The following PPP2R2C variants were observed in gnomAD, a reference collection of about 807,000 sequenced individuals.
PPP2R2C encodes the protein protein phosphatase 2, regulatory subunit B, gamma.
In PPP2R2C, 10 loss-of-function variants were observed where a neutral mutation model predicts 45.3. That is an observed-to-expected ratio of 0.22 (90% CI 0.14 to 0.37). The LOEUF (loss-of-function observed/expected upper bound fraction) is 0.37, where lower values mean the gene tolerates loss of function less well. Among genes scored for constraint, PPP2R2C ranks in the 10% least tolerant of loss-of-function variants. PPP2R2C has a pLI of 1.00. For synonymous variants in PPP2R2C, 257 were observed against 245.4 expected (o/e 1.05, Z -0.44); for missense variants, 308 against 619.7 (o/e 0.50, Z 5.34).
chr4:6,466,401 A>C (rs1346109764), intron 1 of PPP2R2C, among the ~76,000 whole-genome samples: 2 of 152,248 alleles, frequency 1.3e-5, no homozygotes, highest in African/African-American at 4.8e-5. Context: ...ATGACCACAC[A>C]GGTTGCATAT....
chr4:6,371,902 G>A (rs143503732), intron 5 of PPP2R2C, among the ~76,000 whole-genome samples: 2 of 152,140 alleles, frequency 1.3e-5, no homozygotes, highest in African/African-American at 4.8e-5. Flanking sequence ...CCAGCCCCCC[G>A]GCAGGCCAAG....
intron 2 of PPP2R2C, among the ~76,000 whole-genome samples, chr4:6,522,329 G>T (rs1724053011): frequency 6.6e-6 from 1 of 152,238 alleles, no homozygotes; most frequent in Non-Finnish European, 1.5e-5. Context: ...CCCCAGCCGT[G>T]CTGGGAGCAC....
chr4:6,504,438 A>C (rs1723155911), intron 2 of PPP2R2C, among the ~76,000 whole-genome samples: 1 of 152,162 alleles, frequency 6.6e-6, no homozygotes, highest in Non-Finnish European at 1.5e-5. Context: ...TTGATGTAAG[A>C]ATAAATAAAA....
In PPP2R2C at chr4:6,332,341, C is replaced by T. The variant is rs1211339448; in HGVS notation, c.960+1221G>A. Among the ~76,000 whole-genome samples, 1 of 152,124 alleles carries T rather than the reference C, an allele frequency of 6.6e-6. No homozygotes were observed. Among genetic ancestry groups the T allele is most frequent in the Non-Finnish European group, 1.5e-5 (1 of 68,034 alleles). ...AGGGACAGAGGAGGGCTGAGTCCTG[C>T]CTGGGGTGTGCAGTGTGAGGAGGGG... On this transcript the variant is annotated intron_variant, in intron 7 of 8. Coordinates refer to ENST00000382599, the MANE Select transcript of PPP2R2C (RefSeq NM_020416.4). This position sits in a 1 kb window ranked among gnomAD's most constrained non-coding sequence, Gnocchi z 4.9.
intron 1 of PPP2R2C, among the ~76,000 whole-genome samples, chr4:6,550,386 T>A (rs529571666): frequency 1.3e-5 from 2 of 151,788 alleles, no homozygotes; most frequent in African/African-American, 4.8e-5. Flanking sequence ...CAGCCTCAGC[T>A]CTCACTGCTT....
chr4:6,422,620 T>C (rs926129343), intron 1 of PPP2R2C, among the ~76,000 whole-genome samples: 1 of 152,208 alleles, frequency 6.6e-6, no homozygotes, highest in Non-Finnish European at 1.5e-5. Context: ...GGCTTGCAGA[T>C]GGCTGTCTTC....
intron 1 of PPP2R2C, among the ~76,000 whole-genome samples, chr4:6,456,304 ATT>A (rs367728968): frequency 5.5e-3 from 195 of 35,654 alleles, no homozygotes; most frequent in African/African-American, 0.013. Flanking sequence ...GAAGGATGTT[ATT>A]TCCCCCCCCC....
At chr4:6,349,828 T>C (rs1265508197) in intron 5 of PPP2R2C, 2 of 929,456 alleles carry the variant, frequency 2.2e-6, no homozygotes, top group Non-Finnish European at 2.6e-6. Context: ...GAGGTGGATG[T>C]TGCAGTTAGC....
At chr4:6,338,890 C>A (rs1280537025) in intron 6 of PPP2R2C, among the ~76,000 whole-genome samples, 1 of 152,228 alleles carries the variant, frequency 6.6e-6, no homozygotes, top group Non-Finnish European at 1.5e-5. Flanking sequence ...GCCTGGTCCT[C>A]TCTGAGCCCA....
intron 1 of PPP2R2C, among the ~76,000 whole-genome samples, chr4:6,435,067 G>A (rs1719827064): frequency 6.6e-6 from 1 of 151,998 alleles, no homozygotes; most frequent in African/African-American, 2.4e-5. Context: ...AGAAAGTTCT[G>A]GAATTGTGCC....
intron 3 of PPP2R2C, among the ~76,000 whole-genome samples, chr4:6,376,751 G>GCTGACA (rs1715336810): frequency 6.6e-6 from 1 of 152,332 alleles, no homozygotes; most frequent in African/African-American, 2.4e-5. Flanking sequence ...ACCGCATGTG[G>GCTGACA]CTGACACGTC....
chr4:6,457,004 T>A (rs1188882811), intron 1 of PPP2R2C, among the ~76,000 whole-genome samples: 1 of 152,076 alleles, frequency 6.6e-6, no homozygotes, highest in Non-Finnish European at 1.5e-5. Flanking sequence ...GGTCAGGAGT[T>A]CAAGATCAGC....
At chr4:6,339,589 G>A (rs1733286514) in intron 6 of PPP2R2C, among the ~76,000 whole-genome samples, 2 of 152,252 alleles carry the variant, frequency 1.3e-5, no homozygotes, top group Non-Finnish European at 2.9e-5. Flanking sequence ...GGGCTGGGGT[G>A]GAGGCCGATT....
At chr4:6,377,729 C>A (rs1287459016) in intron 3 of PPP2R2C, among the ~76,000 whole-genome samples, 1 of 152,044 alleles carries the variant, frequency 6.6e-6, no homozygotes, top group African/African-American at 2.4e-5. Context: ...CGCAGGGGGC[C>A]CAGGTGAAGG....
chr4:6,322,344 G>T lies in PPP2R2C; in HGVS notation c.*958C>A, dbSNP rs985469645. 2.6e-5 allele frequency: 4 copies of T among 152,228 alleles called. No homozygotes were observed. Among genetic ancestry groups the T allele is most frequent in the Non-Finnish European group, 5.9e-5 (4 of 68,036 alleles). 9.4% of individuals were successfully genotyped at this position (152,228 alleles called of 1,614,324 possible). ...TCCTAAGGGTTCCCGCTTATCCCCA[G>T]CATCCAGCCCAGAGCCTGGCACGCT... On this transcript the variant is annotated 3_prime_UTR_variant, in exon 9 of 9. Coordinates refer to ENST00000382599, the MANE Select transcript of PPP2R2C (RefSeq NM_020416.4). The surrounding 1 kb of genome is among the most constrained non-coding windows in gnomAD (Gnocchi z 7.8).
At position 6,471,825 on chromosome 4, in the gene PPP2R2C, C is replaced by T; in HGVS notation, c.70+335G>A. 2 of 320,680 alleles carry T rather than the reference C, an allele frequency of 6.2e-6. No individual in the cohort carries two copies. The highest frequency in any genetic ancestry group is 4.4e-5 in the Admixed American group (1 of 22,650). 19.9% of individuals were successfully genotyped at this position (320,680 alleles called of 1,614,324 possible). A position where few individuals can be genotyped will look rare whatever the true frequency, so the allele number is the denominator to read the frequency against. On this transcript the variant is annotated intron_variant, in intron 1 of 8. Transcript: ENST00000382599. The surrounding 1 kb of genome is among the most constrained non-coding windows in gnomAD (Gnocchi z 5.6). ...CCCGAGATTTCTTCACCAGATTAGC[C>T]ACAGCCGTGGCCTTTTAAAAAATTA...
chr4:6,537,121 T>A (rs1488638983), intron 1 of PPP2R2C, among the ~76,000 whole-genome samples: 2 of 151,962 alleles, frequency 1.3e-5, no homozygotes, highest in Non-Finnish European at 2.9e-5. Flanking sequence ...GAGAATCACT[T>A]GAACCCAGGA....
chr4:6,472,831 T>TG (rs1266409713), upstream of PPP2R2C, among the ~76,000 whole-genome samples: 1 of 150,370 alleles, frequency 6.7e-6, no homozygotes, highest in Admixed American at 6.6e-5. Flanking sequence ...CAGCTGAGCT[T>TG]GGGGGGAGGG....
intron 1 of PPP2R2C, among the ~76,000 whole-genome samples, chr4:6,545,628 G>T (rs1724954166): frequency 6.6e-6 from 1 of 152,302 alleles, no homozygotes; most frequent in Admixed American, 6.5e-5. Context: ...CTGAACCAGT[G>T]GCTGCACCTC....
Sources: allele counts gnomAD v4.1 joint callset (sites outside exome capture counted in the v4.1 genomes callset), GRCh38; gene constraint gnomAD v4.1.1; non-coding constraint Gnocchi (gnomAD v3.1); transcripts MANE v1.5; gene names NCBI Gene and HGNC (gene_info 2026-07-23, HGNC 2026-07-21).